The following TBRG1 variants were observed in gnomAD, a reference collection of about 807,000 sequenced individuals.
TBRG1 encodes nuclear interactor of ARF and MDM2.
Under a neutral mutation model 44.0 loss-of-function variants are expected in TBRG1, and 31 were observed. The observed-to-expected ratio is 0.70, with a 90% confidence interval of 0.53 to 0.95. The LOEUF is 0.95. TBRG1 is among the 40% of genes least tolerant of loss of function. The pLI, the probability that TBRG1 is intolerant of heterozygous loss-of-function variation, is 0.00. For synonymous variants in TBRG1, 171 were observed against 188.1 expected, an observed-to-expected ratio of 0.91 and a Z score of 0.74; for missense variants, 487 against 496.1, an observed-to-expected ratio of 0.98 and a Z score of 0.18.
Position 124,632,399 on chromosome 11 carries a change from T to TCACCA in TBRG1, c.*163_*164insCCACA. 1 of 529,104 alleles carries TCACCA rather than the reference T, an allele frequency of 1.9e-6. No homozygotes were observed. The highest frequency in any genetic ancestry group is 3.3e-6 in the Non-Finnish European group (1 of 302,818). The allele number at this position is 529,104 out of a possible 1,614,324, so 32.8% of individuals were successfully genotyped here. The stretch of plus-strand genomic sequence containing the variant: ...GTGATGGTTTTCCCTGGGAAAACCT[T>TCACCA]CAGCTGCTTTATTTTTAGTAATAAA... On this transcript the variant is annotated 3_prime_UTR_variant, in exon 9 of 9. Coordinates refer to ENST00000441174, the MANE Select transcript of TBRG1 (RefSeq NM_032811.3).
At chr11:124,628,855 C>G (rs892913876) in intron 5 of TBRG1, among the ~76,000 whole-genome samples, 3 of 151,970 alleles carry the variant, frequency 2.0e-5, no homozygotes, top group African/African-American at 7.3e-5. Flanking sequence ...GAGAAATGTG[C>G]AAATGTGAAC....
At chr11:124,630,973 A>T (rs1043156999) in intron 7 of TBRG1, 118 bp downstream of exon 7, 1 of 782,978 alleles carries the variant, frequency 1.3e-6, no homozygotes, top group African/African-American at 1.7e-5. Context: ...CTTCTCGACC[A>T]GTAGGGCTCA....
Position 124,634,002 on chromosome 11 carries a change from C to T in TBRG1, c.*1764C>T, listed in dbSNP as rs1942666270. ...TGTACGTATACCACATATACATATA[C>T]TTGTATGAAGATATGTGTAAAATGT... On this transcript the variant is annotated 3_prime_UTR_variant, in exon 9 of 9. Coordinates refer to ENST00000441174, the MANE Select transcript of TBRG1 (RefSeq NM_032811.3). The T allele has an allele frequency of 6.6e-6, 1 of 152,180 alleles. No homozygotes were observed. Among genetic ancestry groups the T allele is most frequent in the South Asian group, 2.1e-4 (1 of 4,832 alleles). The allele number at this position is 152,180 out of a possible 1,614,324, so 9.4% of individuals were successfully genotyped here.
intron 5 of TBRG1, among the ~76,000 whole-genome samples, chr11:124,628,248 A>C (rs181736537): frequency 6.7e-6 from 1 of 149,544 alleles, no homozygotes; most frequent in Non-Finnish European, 1.5e-5. Flanking sequence ...CTTTAGCTTT[A>C]TTGAATATTT....
At chr11:124,625,990 C>T in intron 3 of TBRG1, 87 bp downstream of exon 3, 1 of 1,447,672 alleles carries the variant, frequency 6.9e-7, no homozygotes, top group Non-Finnish European at 9.1e-7. Context: ...ACACACACAG[C>T]TGCAGATGTA....
At chr11:124,631,548 G>A (rs1045553110) in intron 8 of TBRG1, 131 bp downstream of exon 8, 24 of 1,021,464 alleles carry the variant, frequency 2.3e-5, no homozygotes, top group South Asian at 1.4e-4. Flanking sequence ...TCAGCCTTGC[G>A]GAGTGCTGAG....
In TBRG1 at chr11:124,625,729, G is replaced by A. The variant is rs766485447; in HGVS notation, c.280G>A (p.Ala94Thr). 146 of 1,557,500 alleles carry A rather than the reference G, an allele frequency of 9.4e-5. No homozygotes were observed. Among genetic ancestry groups the A allele is most frequent in the Non-Finnish European group, 1.2e-4 (138 of 1,149,672 alleles). ...TCTAACTGAAGGGGAAGTACAGGCT[G>A]CAGCTCCTTCCCACAGTTCCAGTTT... is the stretch of plus-strand genomic sequence containing the variant. ...QALTEGEVQA[A>T]APSHSSSLPL... The change falls in exon 3 of 9, where the codon GCA becomes ACA. Residue 94 changes from alanine to threonine, a missense_variant. Transcript: ENST00000441174.
intron 8 of TBRG1, 48 bp downstream of exon 8, chr11:124,631,465 CT>C: frequency 6.3e-7 from 1 of 1,584,896 alleles, no homozygotes; most frequent in African/African-American, 1.3e-5. Flanking sequence ...TGTGTTTAGG[CT>C]ACCTTCCCAT....
In TBRG1 at chr11:124,632,328, A is replaced by T; in HGVS notation, c.*90A>T. 1 of 1,113,818 alleles carries T rather than the reference A, an allele frequency of 9.0e-7. No homozygotes were observed. The highest frequency in any genetic ancestry group is 1.3e-6 in the Non-Finnish European group (1 of 764,172). The allele number at this position is 1,113,818 out of a possible 1,614,324, so 69.0% of individuals were successfully genotyped here. On this transcript the variant is annotated 3_prime_UTR_variant, in exon 9 of 9. Coordinates refer to ENST00000441174, the MANE Select transcript of TBRG1 (RefSeq NM_032811.3). ...GGTATATGAAAGAAGGCAGCAATTCAGAAGTAAAGAAGATACTAACGTATT... is the reference window on the plus strand; with the variant it reads ...GGTATATGAAAGAAGGCAGCAATTCTGAAGTAAAGAAGATACTAACGTATT...
chr11:124,631,611 T>C, intron 8 of TBRG1, 194 bp downstream of exon 8: 1 of 635,110 alleles, frequency 1.6e-6, no homozygotes, highest in African/African-American at 1.8e-5. Context: ...ACAGATGTCA[T>C]GGGGAGCACC....
In TBRG1 at chr11:124,623,118, G is replaced by A. The variant is rs747862289; in HGVS notation, c.35G>A (p.Arg12Gln). 2.6e-6 allele frequency: 4 copies of A among 1,551,174 alleles called. No individual in the cohort carries two copies. The highest frequency in any genetic ancestry group is 2.7e-5 in the African/African-American group (2 of 73,180). Residue 12 changes from arginine (R) to glutamine (Q), a missense_variant, in exon 1 of 9, where the codon CGG (arginine) becomes CAG (glutamine). Transcript: ENST00000441174. The part of the protein sequence containing the change: ...SLLDGLASSP[R>Q]APLQSSKARM... Reference sequence around the variant, plus strand: ...CTGGACGGCCTCGCTTCCTCGCCGCGGGCTCCGCTGCAGTCCAGCAAGGCC... The same window carrying A: ...CTGGACGGCCTCGCTTCCTCGCCGCAGGCTCCGCTGCAGTCCAGCAAGGCC...
In TBRG1 at chr11:124,627,069, A is replaced by G. The variant is rs1271989807; in HGVS notation, c.738+19A>G. On this transcript the variant is annotated intron_variant, in intron 5 of 8. Coordinates refer to ENST00000441174, the MANE Select transcript of TBRG1 (RefSeq NM_032811.3). ...GCCTCAGGTACCCCCTCTAATAATA[A>G]CCACTGTTTGTCTTTAGAACCTTCT... 2.1e-6 allele frequency: 3 copies of G among 1,462,598 alleles called. No homozygotes were observed. Among genetic ancestry groups the G allele is most frequent in the Non-Finnish European group, 2.8e-6 (3 of 1,066,092 alleles). The allele number at this position is 1,462,598 out of a possible 1,614,324, so 90.6% of individuals were successfully genotyped here.
chr11:124,625,161 G>A (rs1230774559), intron 2 of TBRG1, among the ~76,000 whole-genome samples, 160 bp downstream of exon 2: 3 of 152,196 alleles, frequency 2.0e-5, no homozygotes, highest in Non-Finnish European at 2.9e-5. Context: ...CTTACAGCCT[G>A]AGGCATTGGT....
At chr11:124,630,178 G>A (rs916895766) in intron 5 of TBRG1, 2 of 490,656 alleles carry the variant, frequency 4.1e-6, no homozygotes, top group African/African-American at 3.9e-5. Context: ...TGTCAACCAA[G>A]AAGGGTAGAA....
In TBRG1 at chr11:124,633,268, G is replaced by GT. The variant is rs1293245353; in HGVS notation, c.*1031dup. On this transcript the variant is annotated 3_prime_UTR_variant, in exon 9 of 9. Transcript: ENST00000441174. ...TTAGTCCTGTCTTTTCATTAGCCATGTAATAATATAACTCCATGTTCCATG... is the reference window on the plus strand; with the variant it reads ...TTAGTCCTGTCTTTTCATTAGCCATGTTAATAATATAACTCCATGTTCCATG... The GT allele has an allele frequency of 1.3e-5, 2 of 152,206 alleles. No individual in the cohort carries two copies. Among genetic ancestry groups the GT allele is most frequent in the African/African-American group, 2.4e-5 (1 of 41,448 alleles). 9.4% of individuals were successfully genotyped at this position (152,206 alleles called of 1,614,324 possible). A position where few individuals can be genotyped will look rare whatever the true frequency, so the allele number is the denominator to read the frequency against.
chr11:124,626,493 A>C lies in TBRG1; in HGVS notation c.475A>C (p.Lys159Gln). The C allele has an allele frequency of 1.3e-6, 2 of 1,546,556 alleles. No individual in the cohort carries two copies. The highest frequency in any genetic ancestry group is 1.7e-6 in the Non-Finnish European group (2 of 1,144,354). Reference sequence around the variant, plus strand: ...TTCAGTTCTGAAGAAAACATGCAAGAAAAAGAAAATGGCGGGAGGTGCTCG... The same window carrying C: ...TTCAGTTCTGAAGAAAACATGCAAGCAAAAGAAAATGGCGGGAGGTGCTCG... The part of the protein sequence containing the change: ...KLEVLKKTCK[K>Q]KKMAGGARKL... The change falls in exon 4 of 9, where the codon AAA (lysine) becomes CAA (glutamine). Residue 159 changes from lysine to glutamine, a missense_variant. Lys to Gln is a moderately conservative substitution (Grantham distance 53). Coordinates refer to ENST00000441174, the MANE Select transcript of TBRG1 (RefSeq NM_032811.3).
At chr11:124,628,116 T>TATATATACACAC (rs1565400621) in intron 5 of TBRG1, among the ~76,000 whole-genome samples, 4 of 41,960 alleles carry the variant, frequency 9.5e-5, no homozygotes, top group Admixed American at 3.3e-4. Context: ...TATATATATA[T>TATATATACACAC]ACACACACAC....
chr11:124,628,114 TATACACAC>T (rs1230934367), intron 5 of TBRG1, among the ~76,000 whole-genome samples: 30 of 45,166 alleles, frequency 6.6e-4, no homozygotes, highest in African/African-American at 2.6e-3. Context: ...TATATATATA[TATACACAC>T]ACACACACAC....
intron 5 of TBRG1, chr11:124,629,891 T>C (rs1275005461): frequency 6.5e-6 from 1 of 152,912 alleles, no homozygotes; most frequent in Admixed American, 6.5e-5. Flanking sequence ...AAAAATATTT[T>C]CTTGGCAAAA....
Sources: allele counts gnomAD v4.1 joint callset (sites outside exome capture counted in the v4.1 genomes callset), GRCh38; gene constraint gnomAD v4.1.1; transcripts MANE v1.5; gene names NCBI Gene and HGNC (gene_info 2026-07-23, HGNC 2026-07-21).